Variants in MAGED1 observed in about 807,000 individuals in gnomAD.
MAGED1 encodes melanoma-associated antigen D1.
MAGED1 carries 3 observed loss-of-function variants against 54.1 expected under a neutral mutation model. The ratio of observed to expected loss-of-function variants is 0.06; its 90% CI spans 0.03 to 0.14. The LOEUF (loss-of-function observed/expected upper bound fraction) is 0.14, where lower values mean the gene tolerates loss of function less well. Among genes scored for constraint, MAGED1 ranks in the 10% least tolerant of loss-of-function variants. MAGED1 has a pLI of 1.00. For synonymous variants in MAGED1, 217 were observed against 227.3 expected, an observed-to-expected ratio of 0.95 and a Z score of 0.41; for missense variants, 485 against 623.4, an observed-to-expected ratio of 0.78 and a Z score of 2.36.
intron 1 of MAGED1, among the ~76,000 whole-genome samples, chrX:51,811,127 C>T (rs1269555408): frequency 9.0e-6 from 1 of 111,693 alleles, no homozygotes; most frequent in Non-Finnish European, 1.9e-5. Context: ...TTCACTGCTT[C>T]TTTATTTTTT....
At chrX:51,823,597 T>C (rs782234432) in intron 1 of MAGED1, among the ~76,000 whole-genome samples, 5 of 111,924 alleles carry the variant, frequency 4.5e-5, no homozygotes, top group African/African-American at 1.6e-4. Flanking sequence ...TCTCTCTTTA[T>C]TGGAGAGTTC....
chrX:51,845,549 G>A (rs1017227556), intron 1 of MAGED1, among the ~76,000 whole-genome samples: 5 of 111,043 alleles, frequency 4.5e-5, no homozygotes, highest in African/African-American at 9.8e-5. Flanking sequence ...CAGATAATTC[G>A]TTTTGCAGTT....
intron 1 of MAGED1, among the ~76,000 whole-genome samples, chrX:51,876,109 A>G (rs1324297160): frequency 8.9e-6 from 1 of 111,733 alleles, no homozygotes; most frequent in Non-Finnish European, 1.9e-5. Flanking sequence ...AAAGGCCATG[A>G]TGGTGAGAAA....
chrX:51,897,470 C>G (rs1928813177), intron 5 of MAGED1, 77 bp from the exon 6 acceptor site: 9 of 892,983 alleles, frequency 1.0e-5, no homozygotes, highest in Middle Eastern at 2.7e-4. Context: ...ACTGTGCTAC[C>G]CCCAGCAGGG....
intron 1 of MAGED1, among the ~76,000 whole-genome samples, chrX:51,807,884 G>A (rs2146946761): frequency 9.0e-6 from 1 of 111,260 alleles, no homozygotes; most frequent in South Asian, 3.8e-4. Flanking sequence ...ATAATGCCTT[G>A]GTTATTCCTG....
In MAGED1 at chrX:51,896,861, TGACTGGCCGCTACCACCC is replaced by T; in HGVS notation, c.1215_1232del (p.Pro414_Pro419del). 8.3e-7 allele frequency: 1 copy of T among 1,203,026 alleles called. No homozygotes were observed. The highest frequency in any genetic ancestry group is 2.2e-5 in the Admixed American group (1 of 45,161). ...GTCCTCCAGACTGGCAAGGTCCTCCTGACTGGCCGCTACCACCCGACTGGCCACTGCCACCTGATTGGC... is the reference window on the plus strand; with the variant it reads ...GTCCTCCAGACTGGCAAGGTCCTCCTGACTGGCCACTGCCACCTGATTGGC... On this transcript the variant is annotated inframe_deletion, in exon 4 of 13. Coordinates refer to ENST00000326587, the MANE Select transcript of MAGED1 (RefSeq NM_006986.4).
chrX:51,885,561 G>T (rs782297568), intron 1 of MAGED1, among the ~76,000 whole-genome samples: 1 of 111,263 alleles, frequency 9.0e-6, no homozygotes, highest in South Asian at 3.8e-4. Context: ...TTTGTTGATT[G>T]TTTCCTTTGC....
intron 1 of MAGED1, among the ~76,000 whole-genome samples, chrX:51,813,253 C>T (rs1925294925): frequency 9.1e-6 from 1 of 110,186 alleles, no homozygotes; most frequent in African/African-American, 3.3e-5. Context: ...GAACTTCCGA[C>T]CTCAGGTGAC....
chrX:51,832,374 A>G (rs901389265), intron 1 of MAGED1, among the ~76,000 whole-genome samples: 8 of 111,426 alleles, frequency 7.2e-5, no homozygotes, highest in African/African-American at 2.0e-4. Flanking sequence ...TGTTAACTAT[A>G]GTCACCCTAT....
intron 1 of MAGED1, among the ~76,000 whole-genome samples, chrX:51,844,826 G>T (rs1373529218): frequency 8.9e-6 from 1 of 111,819 alleles, no homozygotes; most frequent in Non-Finnish European, 1.9e-5. Context: ...ATTTTAGAAG[G>T]TTGTAGCAGC....
intron 1 of MAGED1, among the ~76,000 whole-genome samples, chrX:51,881,426 T>C (rs1350345141): frequency 9.1e-6 from 1 of 109,558 alleles, no homozygotes; most frequent in Non-Finnish European, 1.9e-5. Context: ...CTTTTCTTTT[T>C]TTTTTTGAGA....
chrX:51,815,592 G>A (rs781841711), intron 1 of MAGED1, among the ~76,000 whole-genome samples: 16 of 107,556 alleles, frequency 1.5e-4, no homozygotes, highest in African/African-American at 5.1e-4. Flanking sequence ...GTGCAATCTC[G>A]GCTCACTGTA....
chrX:51,894,987 C>G (rs1557364000), intron 2 of MAGED1, 66 bp from the exon 3 acceptor site: 1 of 1,016,045 alleles, frequency 9.8e-7, no homozygotes, highest in Admixed American at 3.1e-5. Context: ...CCCGGGCTCC[C>G]TATTCCCACC....
intron 11 of MAGED1, among the ~76,000 whole-genome samples, chrX:51,900,687 T>C (rs1212277341): frequency 8.9e-6 from 1 of 111,840 alleles, no homozygotes; most frequent in African/African-American, 3.3e-5. Context: ...TAGAGTGCAG[T>C]GGCGCAATCT....
chrX:51,901,144 AGTC>A (rs1929003243), intron 11 of MAGED1, among the ~76,000 whole-genome samples: 1 of 111,902 alleles, frequency 8.9e-6, no homozygotes, highest in Non-Finnish European at 1.9e-5. Context: ...TATTAACTAT[AGTC>A]GTCATGCTAT....
intron 12 of MAGED1, 78 bp from the exon 13 acceptor site, chrX:51,902,068 G>A: frequency 3.2e-6 from 2 of 615,650 alleles, no homozygotes; most frequent in Non-Finnish European, 4.8e-6. Flanking sequence ...GTATGGGGCA[G>A]CACTCTTTGG....
At chrX:51,842,423 G>A (rs1220032791) in intron 1 of MAGED1, among the ~76,000 whole-genome samples, 1 of 111,113 alleles carries the variant, frequency 9.0e-6, no homozygotes, top group Non-Finnish European at 1.9e-5. Context: ...ACTTGCTATA[G>A]CTTTAAGTTC....
intron 1 of MAGED1, among the ~76,000 whole-genome samples, chrX:51,853,056 T>A (rs1434844774): frequency 1.8e-5 from 2 of 111,533 alleles, no homozygotes; most frequent in Non-Finnish European, 3.8e-5. Context: ...TGTATCTTCC[T>A]GCTGAGCTCA....
chrX:51,868,399 G>A (rs1331027960), intron 1 of MAGED1, among the ~76,000 whole-genome samples: 3 of 111,310 alleles, frequency 2.7e-5, no homozygotes, highest in Non-Finnish European at 5.7e-5. Flanking sequence ...AAAATCCTAA[G>A]TGATGTGGGT....
Sources: allele counts gnomAD v4.1 joint callset (sites outside exome capture counted in the v4.1 genomes callset), GRCh38; gene constraint gnomAD v4.1.1; transcripts MANE v1.5; gene names NCBI Gene and HGNC (gene_info 2026-07-23, HGNC 2026-07-21).